The following DUSP23 variants were observed in gnomAD, a reference collection of about 807,000 sequenced individuals.
DUSP23 encodes dual specificity phosphatase 23.
A neutral mutation model predicts 13.3 loss-of-function variants in DUSP23; 10 were observed. That is an observed-to-expected ratio of 0.75 (90% confidence interval 0.46 to 1.27). The LOEUF is 1.27. Ranked by LOEUF, DUSP23 falls within the 50% of genes most tolerant of loss-of-function variation. The pLI, the probability that DUSP23 is intolerant of heterozygous loss-of-function variation, is 0.00. For missense variants in DUSP23, 228 were observed against 204.8 expected, an observed-to-expected ratio of 1.11 and a Z score of -0.69; for synonymous variants, 107 against 95.3, an observed-to-expected ratio of 1.12 and a Z score of -0.72.
rs1360496643 is a variant in DUSP23 at position 159,781,279 on chromosome 1, G to A, written c.179G>A (p.Arg60His). 3.9e-5 allele frequency: 61 copies of A among 1,547,258 alleles called. No individual in the cohort carries two copies. Among genetic ancestry groups the A allele is most frequent in the Non-Finnish European group, 5.2e-5 (60 of 1,145,854 alleles). The change falls in exon 1 of 2, where the codon CGC becomes CAC. Residue 60 changes from arginine to histidine, a missense_variant. By Grantham distance (29) the Arg-to-His change is conservative. Coordinates refer to ENST00000368107, the MANE Select transcript of DUSP23 (RefSeq NM_001319658.2). ...AGCTGCCCCGGCCTCACCCTGCACC[G>A]CCTGCGCATCCCCGACTTCTGCCCG... ...SDSCPGLTLHRLRIPDFCPPA... is the reference protein window; with the variant it reads ...SDSCPGLTLHHLRIPDFCPPA...
At position 159,781,259 on chromosome 1, in the gene DUSP23, C is replaced by T. The variant is rs1211688906; in HGVS notation, c.159C>T (p.Cys53=). The part of the protein sequence containing the change: ...TERGPPHSDS[C]PGLTLHRLRI... ...GCGGGCCCCCTCACAGCGACAGCTGCCCCGGCCTCACCCTGCACCGCCTGC... is the reference window on the plus strand; with the variant it reads ...GCGGGCCCCCTCACAGCGACAGCTGTCCCGGCCTCACCCTGCACCGCCTGC... The change falls in exon 1 of 2, where the codon TGC becomes TGT. Residue 53 remains cysteine (C), a synonymous_variant. Transcript: ENST00000368107. 3.4e-5 allele frequency: 53 copies of T among 1,548,684 alleles called. No individual in the cohort carries two copies. The highest frequency in any genetic ancestry group is 4.3e-5 in the Non-Finnish European group (49 of 1,146,302).
chr1:159,782,130 C>T, intron 1 of DUSP23, 23 bp from the exon 2 acceptor site: 1 of 1,610,754 alleles, frequency 6.2e-7, no homozygotes, highest in Non-Finnish European at 8.5e-7. Context: ...TTGAGTGGCA[C>T]CCATCGAGCC....
rs1467408704 is a variant in DUSP23, at chr1:159,781,076, C to T, written c.-25C>T. 5 of 1,532,138 alleles carry T rather than the reference C, an allele frequency of 3.3e-6. No homozygotes were observed. Among genetic ancestry groups the T allele is most frequent in the Non-Finnish European group, 4.4e-6 (5 of 1,143,040 alleles). 94.9% of individuals were successfully genotyped at this position (1,532,138 alleles called of 1,614,324 possible). On this transcript the variant is annotated 5_prime_UTR_variant, in exon 1 of 2. Transcript: ENST00000368107. The stretch of plus-strand genomic sequence containing the variant: ...CTGGCCAGCCTCGGCCCCCATGACC[C>T]GCTGTCCTGTGCCCTTTCCCAGCGA...
chr1:159,781,167 C>T lies in DUSP23; in HGVS notation c.67C>T (p.Arg23Trp), dbSNP rs768329310. 11 of 1,548,878 alleles carry T rather than the reference C, an allele frequency of 7.1e-6. No individual in the cohort carries two copies. The highest frequency in any genetic ancestry group is 7.8e-6 in the Non-Finnish European group (9 of 1,146,546). The part of the protein sequence containing the change: ...PGRLAGLALP[R>W]LPAHYQFLLD... ...CCGGCTGGCGGGACTGGCGCTGCCG[C>T]GGCTCCCCGCCCACTACCAGTTCCT... Residue 23 changes from arginine (R) to tryptophan (W), a missense_variant, in exon 1 of 2, where the codon CGG becomes TGG. Physicochemically the swap from Arg to Trp is moderately radical, Grantham distance 101 (BLOSUM62 -3). Transcript: ENST00000368107.
rs764202461 is a variant in DUSP23 at position 159,781,274 on chromosome 1, G to C, written c.174G>C (p.Leu58=). 8 of 1,547,892 alleles carry C rather than the reference G, an allele frequency of 5.2e-6. No individual in the cohort carries two copies. The highest frequency in any genetic ancestry group is 2.4e-5 in the South Asian group (2 of 83,862). ...PHSDSCPGLT[L]HRLRIPDFCP... ...GCGACAGCTGCCCCGGCCTCACCCT[G>C]CACCGCCTGCGCATCCCCGACTTCT... The change falls in exon 1 of 2, where the codon CTG becomes CTC. Residue 58 remains leucine (L), a synonymous_variant. Coordinates refer to ENST00000368107, the MANE Select transcript of DUSP23 (RefSeq NM_001319658.2).
intron 1 of DUSP23, 149 bp downstream of exon 1, chr1:159,781,516 GA>G: frequency 8.8e-7 from 1 of 1,141,876 alleles, no homozygotes; most frequent in Non-Finnish European, 1.2e-6. Context: ...CAGTGCGGGG[GA>G]GGGAAGCGCT....
chr1:159,782,027 C>G (rs747140596), intron 1 of DUSP23, 126 bp from the exon 2 acceptor site: 28 of 1,123,340 alleles, frequency 2.5e-5, no homozygotes, highest in Non-Finnish European at 3.5e-5. Flanking sequence ...GACAGCCCTC[C>G]CTGACTTTGC....
chr1:159,781,430 G>A, intron 1 of DUSP23, 63 bp downstream of exon 1: 1 of 1,432,836 alleles, frequency 7.0e-7, no homozygotes, highest in African/African-American at 1.5e-5. Context: ...GACACGGGCG[G>A]AGCTGGGGAG....
Position 159,780,979 on chromosome 1 carries a change from A to G in DUSP23, c.-122A>G. ...CGCCCTGCAGACCACGTGGCCCGGG[A>G]GGCGCCGAGGCCAGGTAGGTGGTGA... On this transcript the variant is annotated 5_prime_UTR_variant, in exon 1 of 2. Transcript: ENST00000368107. 7.8e-7 allele frequency: 1 copy of G among 1,275,998 alleles called. No individual in the cohort carries two copies. Among genetic ancestry groups the G allele is most frequent in the African/African-American group, 1.6e-5 (1 of 63,800 alleles). The allele number at this position is 1,275,998 out of a possible 1,614,324, so 79.0% of individuals were successfully genotyped here.
chr1:159,781,633 G>A (rs1204502320), intron 1 of DUSP23, among the ~76,000 whole-genome samples: 2 of 152,188 alleles, frequency 1.3e-5, no homozygotes, highest in East Asian at 3.9e-4. Context: ...GGTGTGGACA[G>A]ACACCTGGGA....
intron 1 of DUSP23, 90 bp downstream of exon 1, chr1:159,781,457 C>T: frequency 7.1e-7 from 1 of 1,400,904 alleles, no homozygotes; most frequent in South Asian, 1.5e-5. Flanking sequence ...CCTGGGATAA[C>T]TTAACTGGGC....
rs937893919 is a variant in DUSP23, at chr1:159,782,326, G to C, written c.441G>C (p.Gln147His). 3.1e-6 allele frequency: 5 copies of C among 1,613,668 alleles called. No individual in the cohort carries two copies. The African/African-American group carries it at 4.0e-5, about 13-fold the overall frequency. ...EQEKAVFQFY[Q>H]RTK ...AGAAAGCAGTCTTCCAGTTCTACCA[G>C]CGAACGAAATAAGGGGCCTTAGTAC... is the stretch of plus-strand genomic sequence containing the variant. The change falls in exon 2 of 2, where the codon CAG becomes CAC. Residue 147 changes from glutamine (Q) to histidine (H), a missense_variant. Coordinates refer to ENST00000368107, the MANE Select transcript of DUSP23 (RefSeq NM_001319658.2).
At chr1:159,782,046 C>G (rs1282467382) in intron 1 of DUSP23, 107 bp from the exon 2 acceptor site, 1 of 1,348,250 alleles carries the variant, frequency 7.4e-7, no homozygotes, top group Non-Finnish European at 1.0e-6. Context: ...GCTGCAGAGC[C>G]CTGGACCTGG....
chr1:159,780,999 T>G lies in DUSP23; in HGVS notation c.-102T>G. On this transcript the variant is annotated 5_prime_UTR_variant, in exon 1 of 2. Transcript: ENST00000368107. ...CCGGGAGGCGCCGAGGCCAGGTAGG[T>G]GGTGAGTTACTTGGCTCGGAGCGGG... is the stretch of plus-strand genomic sequence containing the variant. The G allele has an allele frequency of 7.2e-7, 1 of 1,387,944 alleles. No homozygotes were observed. Among genetic ancestry groups the G allele is most frequent in the Non-Finnish European group, 9.5e-7 (1 of 1,057,836 alleles). 86.0% of individuals were successfully genotyped at this position (1,387,944 alleles called of 1,614,324 possible). A position where few individuals can be genotyped will look rare whatever the true frequency, so the allele number is the denominator to read the frequency against.
At position 159,781,359 on chromosome 1, in the gene DUSP23, C is replaced by A. The variant is rs981446053; in HGVS notation, c.259C>A (p.Arg87=). ...GCAGATCGTGGACGAGGCCAACGCA[C>A]GGGGAGAGGTCAGCGGGCGGGGTCA... ...FVQIVDEANA[R]GEAVGVHCAL... Residue 87 remains arginine, a synonymous_variant, in exon 1 of 2, where the codon CGG becomes AGG. Coordinates refer to ENST00000368107, the MANE Select transcript of DUSP23 (RefSeq NM_001319658.2). The A allele has an allele frequency of 2.2e-5, 34 of 1,514,504 alleles. No individual in the cohort carries two copies. The highest frequency in any genetic ancestry group is 2.7e-5 in the Non-Finnish European group (31 of 1,127,952). The allele number at this position is 1,514,504 out of a possible 1,614,324, so 93.8% of individuals were successfully genotyped here.
At position 159,780,992 on chromosome 1, in the gene DUSP23, A is replaced by T; in HGVS notation, c.-109A>T. The T allele has an allele frequency of 7.4e-7, 1 of 1,353,504 alleles. No homozygotes were observed. Among genetic ancestry groups the T allele is most frequent in the Non-Finnish European group, 9.7e-7 (1 of 1,032,572 alleles). The allele number at this position is 1,353,504 out of a possible 1,614,324, so 83.8% of individuals were successfully genotyped here. ...ACGTGGCCCGGGAGGCGCCGAGGCC[A>T]GGTAGGTGGTGAGTTACTTGGCTCG... On this transcript the variant is annotated 5_prime_UTR_variant, in exon 1 of 2. Transcript: ENST00000368107.
In DUSP23 at chr1:159,782,217, T is replaced by C; in HGVS notation, c.332T>C (p.Val111Ala). The C allele has an allele frequency of 6.2e-7, 1 of 1,614,054 alleles. No individual in the cohort carries two copies. Among genetic ancestry groups the C allele is most frequent in the Non-Finnish European group, 8.5e-7 (1 of 1,180,004 alleles). Residue 111 changes from valine (V) to alanine (A), a missense_variant, in exon 2 of 2, where the codon GTG (valine) becomes GCG (alanine). By Grantham distance (64) the Val-to-Ala change is moderately conservative (BLOSUM62 0). Transcript: ENST00000368107. ...RTGTMLACYL[V>A]KERGLAAGDA... ...GGCACCATGCTGGCCTGTTACCTGGTGAAGGAGCGGGGCTTGGCTGCAGGA... is the reference window on the plus strand; with the variant it reads ...GGCACCATGCTGGCCTGTTACCTGGCGAAGGAGCGGGGCTTGGCTGCAGGA...
Position 159,781,159 on chromosome 1 carries a change from C to T in DUSP23, c.59C>T (p.Ala20Val). The T allele has an allele frequency of 1.9e-6, 3 of 1,548,842 alleles. No homozygotes were observed. Among genetic ancestry groups the T allele is most frequent in the Non-Finnish European group, 1.7e-6 (2 of 1,146,546 alleles). The part of the protein sequence containing the change: ...WVLPGRLAGL[A>V]LPRLPAHYQF... ...CTTCCGGGCCGGCTGGCGGGACTGG[C>T]GCTGCCGCGGCTCCCCGCCCACTAC... Residue 20 changes from alanine (A) to valine (V), a missense_variant, in exon 1 of 2, where the codon GCG becomes GTG. Transcript: ENST00000368107.
rs1661855541 is a variant in DUSP23, at chr1:159,781,186, A to G, written c.86A>G (p.Gln29Arg). 1 of 1,549,208 alleles carries G rather than the reference A, an allele frequency of 6.5e-7. No individual in the cohort carries two copies. Among genetic ancestry groups the G allele is most frequent in the Non-Finnish European group, 8.7e-7 (1 of 1,146,510 alleles). Residue 29 changes from glutamine to arginine, a missense_variant, in exon 1 of 2, where the codon CAG becomes CGG. By Grantham distance (43) the Gln-to-Arg change is conservative. Coordinates refer to ENST00000368107, the MANE Select transcript of DUSP23 (RefSeq NM_001319658.2). ...LALPRLPAHY[Q>R]FLLDLGVRHL... is the part of the protein sequence containing the mutation. ...CTGCCGCGGCTCCCCGCCCACTACC[A>G]GTTCCTGTTGGACCTGGGCGTGCGG...
Sources: allele counts gnomAD v4.1 joint callset (sites outside exome capture counted in the v4.1 genomes callset), GRCh38; gene constraint gnomAD v4.1.1; transcripts MANE v1.5; gene names NCBI Gene and HGNC (gene_info 2026-07-23, HGNC 2026-07-21).